CCDC191: variants seen among roughly 807,000 people sequenced by gnomAD.
The protein encoded by CCDC191 is coiled-coil domain-containing protein 191.
CCDC191 carries 99 observed loss-of-function variants against 114.0 expected under a neutral mutation model. That is an observed-to-expected ratio of 0.87 (90% CI 0.74 to 1.03). The LOEUF is 1.03. CCDC191 is among the 50% of genes least tolerant of loss of function. The pLI, the probability that CCDC191 is intolerant of heterozygous loss-of-function variation, is 0.00. For missense variants in CCDC191, 973 were observed against 1,087.0 expected (o/e 0.90, Z 1.47); for synonymous variants, 351 against 376.0 (o/e 0.93, Z 0.77).
chr3:114,014,015 G>GT (rs1297754154), intron 8 of CCDC191, among the ~76,000 whole-genome samples: 1 of 152,062 alleles, frequency 6.6e-6, no homozygotes, highest in African/African-American at 2.4e-5. Context: ...CACATGTAAG[G>GT]TAATACCCAC....
chr3:114,032,196 A>C (rs1338875943), intron 6 of CCDC191, among the ~76,000 whole-genome samples: 2 of 152,198 alleles, frequency 1.3e-5, no homozygotes, highest in Non-Finnish European at 2.9e-5. Context: ...TAAGGTTACT[A>C]GAAAGAGGAA....
chr3:113,965,271 G>T lies in CCDC191; in HGVS notation c.2695C>A (p.Leu899Ile). The T allele has an allele frequency of 6.2e-7, 1 of 1,612,128 alleles. No homozygotes were observed. Residue 899 changes from leucine (L) to isoleucine (I), a missense_variant, in exon 17 of 17, where the codon CTT (leucine) becomes ATT (isoleucine). Coordinates refer to ENST00000295878, the MANE Select transcript of CCDC191 (RefSeq NM_020817.2). ...ERVKEERRQQ[L>I]RRKVVEILPD... ...AGAATTTCAACTACCTTCCTACGAA[G>T]TTGCTGTCGCCTTTCTTCTTTTACT...
intron 15 of CCDC191, 148 bp from the exon 16 acceptor site, chr3:113,978,479 G>A: frequency 6.5e-6 from 5 of 764,614 alleles, no homozygotes; most frequent in Non-Finnish European, 1.0e-5. Flanking sequence ...TGGAAGCCAA[G>A]AAAATATCCT....
chr3:114,010,959 C>T lies in CCDC191; in HGVS notation c.1226G>A (p.Trp409Ter). The change falls in exon 9 of 17, where the codon TGG becomes TAG. Residue 409 changes from tryptophan (W) to a stop codon, truncating the protein, a stop_gained. Transcript: ENST00000295878. LOFTEE classifies it high-confidence loss of function. Reference protein sequence around the residue: ...KQVLRHCFTEWQHWHGAELLK... With the variant: ...KQVLRHCFTE ...GAGCTCGGCGCCATGCCAATGCTGCCATTCTGTAAAGCAGTGTCGGAGAAC... is the reference window on the plus strand; with the variant it reads ...GAGCTCGGCGCCATGCCAATGCTGCTATTCTGTAAAGCAGTGTCGGAGAAC... 1.2e-6 allele frequency: 2 copies of T among 1,614,050 alleles called. No individual in the cohort carries two copies. Among genetic ancestry groups the T allele is most frequent in the South Asian group, 1.1e-5 (1 of 91,084 alleles).
chr3:114,020,850 A>G (rs1408814677), intron 7 of CCDC191, among the ~76,000 whole-genome samples: 3 of 152,170 alleles, frequency 2.0e-5, no homozygotes, highest in Admixed American at 2.0e-4. Context: ...TAATAATAAC[A>G]CTATTAATAG....
At position 113,964,435 on chromosome 3, in the gene CCDC191, G is replaced by A. The variant is rs1939906551; in HGVS notation, c.*720C>T. 1 of 152,176 alleles carries A rather than the reference G, an allele frequency of 6.6e-6. No individual in the cohort carries two copies. The highest frequency in any genetic ancestry group is 2.1e-4 in the South Asian group (1 of 4,834). The allele number at this position is 152,176 out of a possible 1,614,324, so 9.4% of individuals were successfully genotyped here. Reference sequence around the variant, plus strand: ...CAATATCTAGATCAAACTGAGCTGAGTACTAGAAGACAAACTGAGTGTATT... The same window carrying A: ...CAATATCTAGATCAAACTGAGCTGAATACTAGAAGACAAACTGAGTGTATT... On this transcript the variant is annotated 3_prime_UTR_variant, in exon 17 of 17. Coordinates refer to ENST00000295878, the MANE Select transcript of CCDC191 (RefSeq NM_020817.2).
chr3:113,964,181 T>C lies in CCDC191; in HGVS notation c.*974A>G, dbSNP rs1286698767. On this transcript the variant is annotated 3_prime_UTR_variant, in exon 17 of 17. Transcript: ENST00000295878. ...AATTTTATTTTGTCAACTCAAATTTTCAGCACACCAAATAAGAGTAATCAT... is the reference window on the plus strand; with the variant it reads ...AATTTTATTTTGTCAACTCAAATTTCCAGCACACCAAATAAGAGTAATCAT... 1 of 152,208 alleles carries C rather than the reference T, an allele frequency of 6.6e-6. No homozygotes were observed. Among genetic ancestry groups the C allele is most frequent in the Non-Finnish European group, 1.5e-5 (1 of 68,040 alleles). 9.4% of individuals were successfully genotyped at this position (152,208 alleles called of 1,614,324 possible).
chr3:113,968,531 C>T (rs1314354843), intron 16 of CCDC191, among the ~76,000 whole-genome samples: 4 of 151,784 alleles, frequency 2.6e-5, no homozygotes, highest in Non-Finnish European at 5.9e-5. Flanking sequence ...TCACTTCTAC[C>T]TTCACCTCCT....
At chr3:113,994,846 T>A (rs934751853) in intron 13 of CCDC191, among the ~76,000 whole-genome samples, 1 of 152,092 alleles carries the variant, frequency 6.6e-6, no homozygotes, top group Admixed American at 6.6e-5. Context: ...CCTTCCAAAG[T>A]GCTGGGATTA....
intron 13 of CCDC191, among the ~76,000 whole-genome samples, chr3:113,982,069 T>A (rs955091654): frequency 1.3e-5 from 2 of 152,210 alleles, no homozygotes; most frequent in Non-Finnish European, 2.9e-5. Context: ...CTAATGCAGA[T>A]AATAACCTTT....
chr3:113,965,156 C>T lies in CCDC191; in HGVS notation c.2810G>A (p.Ter937=), dbSNP rs1327240682. The change falls in exon 17 of 17, where the codon TGA becomes TAA. Residue 937 remains the stop codon, a stop_retained_variant. Transcript: ENST00000295878. ...TCCTAAATATTACACTAATCTGGCT[C>T]ATTCGTTCACCAGACTTGTCTTACT... ...SLSKTSLVNE[*] is the part of the protein sequence containing the mutation. 1 of 1,591,568 alleles carries T rather than the reference C, an allele frequency of 6.3e-7. No individual in the cohort carries two copies. The highest frequency in any genetic ancestry group is 8.6e-7 in the Non-Finnish European group (1 of 1,167,764).
intron 6 of CCDC191, among the ~76,000 whole-genome samples, chr3:114,033,917 G>A (rs2076443732): frequency 6.6e-6 from 1 of 152,092 alleles, no homozygotes; most frequent in Non-Finnish European, 1.5e-5. Flanking sequence ...AGGCTGATGG[G>A]GGTGGAAGGG....
At chr3:114,015,595 C>T (rs62267070) in intron 8 of CCDC191, among the ~76,000 whole-genome samples, 10,563 of 152,028 alleles carry the variant, frequency 0.069, 426 homozygotes, top group Middle Eastern at 0.11. Context: ...GATCTGGAAC[C>T]AACTTTCAAA....
chr3:114,042,146 G>A (rs752957855), intron 4 of CCDC191, among the ~76,000 whole-genome samples: 2 of 152,142 alleles, frequency 1.3e-5, no homozygotes, highest in Non-Finnish European at 2.9e-5. Context: ...GAGGCACTCT[G>A]AAACAGCATT....
intron 13 of CCDC191, among the ~76,000 whole-genome samples, chr3:113,997,915 T>C (rs2075764600): frequency 6.6e-6 from 1 of 152,094 alleles, no homozygotes; most frequent in African/African-American, 2.4e-5. Flanking sequence ...TTGCCAGTCA[T>C]ATACAAGTAT....
chr3:114,007,904 C>T (rs324553), intron 9 of CCDC191, among the ~76,000 whole-genome samples: 35,965 of 151,446 alleles, frequency 0.24, 4,714 homozygotes, highest in Middle Eastern at 0.38. Flanking sequence ...TTAGTCTCTA[C>T]AGGGTCTATT....
chr3:114,017,425 A>C (rs148092028), intron 8 of CCDC191, among the ~76,000 whole-genome samples: 37 of 152,310 alleles, frequency 2.4e-4, no homozygotes, highest in African/African-American at 8.2e-4. Context: ...ATACTCCTCA[A>C]CACCTGTACA....
chr3:114,053,484 G>A (rs970247888), intron 2 of CCDC191, 113 bp downstream of exon 2: 5 of 510,062 alleles, frequency 9.8e-6, no homozygotes, highest in South Asian at 9.1e-5. Context: ...ATAGTCACAC[G>A]GGAATAAAAA....
chr3:113,983,397 G>T (rs1339327023), intron 13 of CCDC191, among the ~76,000 whole-genome samples: 1 of 152,014 alleles, frequency 6.6e-6, no homozygotes, highest in Admixed American at 6.6e-5. Context: ...ACACAGTCTT[G>T]TGGTCCAGGC....
Sources: allele counts gnomAD v4.1 joint callset (sites outside exome capture counted in the v4.1 genomes callset), GRCh38; gene constraint gnomAD v4.1.1; transcripts MANE v1.5; gene names NCBI Gene and HGNC (gene_info 2026-07-23, HGNC 2026-07-21).